The following TMEM132D variants were observed in gnomAD, a reference collection of about 807,000 sequenced individuals.
TMEM132D encodes transmembrane protein 132D, also known as mature OL transmembrane protein.
A neutral mutation model predicts 62.3 loss-of-function variants in TMEM132D; 21 were observed. The ratio of observed to expected loss-of-function variants is 0.34; its 90% CI spans 0.24 to 0.49. The LOEUF (loss-of-function observed/expected upper bound fraction) is 0.49, where lower values mean the gene tolerates loss of function less well. Among genes scored for constraint, TMEM132D ranks in the 20% least tolerant of loss-of-function variants. The pLI is 0.99. For synonymous variants in TMEM132D, 621 were observed against 575.6 expected (o/e 1.08, Z -1.13); for missense variants, 1,346 against 1,402.8 (o/e 0.96, Z 0.65).
chr12:129,763,835 AAGTC>A (rs1316925587), intron 1 of TMEM132D, among the ~76,000 whole-genome samples: 1 of 152,126 alleles, frequency 6.6e-6, no homozygotes, highest in Non-Finnish European at 1.5e-5. Flanking sequence ...ATGAATGAAA[AAGTC>A]AGCCGCAGGT....
intron 2 of TMEM132D, among the ~76,000 whole-genome samples, chr12:129,551,201 T>C (rs148658962): frequency 3.0e-4 from 46 of 152,356 alleles, no homozygotes; most frequent in Middle Eastern, 3.4e-3. Flanking sequence ...TAGAGGCATC[T>C]ACTAACTTTT....
intron 4 of TMEM132D, among the ~76,000 whole-genome samples, chr12:129,295,740 C>T (rs1161078146): frequency 6.6e-6 from 1 of 152,116 alleles, no homozygotes; most frequent in African/African-American, 2.4e-5. Flanking sequence ...AGTTCTTATA[C>T]AAAAGTCTTA....
At chr12:129,195,093 C>A (rs1195279814) in intron 5 of TMEM132D, among the ~76,000 whole-genome samples, 2 of 152,134 alleles carry the variant, frequency 1.3e-5, no homozygotes, top group African/African-American at 4.8e-5. Flanking sequence ...GTGATAAGTT[C>A]TATGAAAAAA....
intron 1 of TMEM132D, among the ~76,000 whole-genome samples, chr12:129,877,718 C>T (rs2137383050): frequency 6.6e-6 from 1 of 152,094 alleles, no homozygotes; most frequent in African/African-American, 2.4e-5. Context: ...ATGACAACTC[C>T]TTTTGGAAAG....
intron 3 of TMEM132D, among the ~76,000 whole-genome samples, chr12:129,388,638 T>C (rs866860008): frequency 2.4e-4 from 27 of 114,882 alleles, no homozygotes; most frequent in African/African-American, 4.2e-4. Context: ...ATATTAACAC[T>C]AACACTCATC....
At chr12:129,455,778 G>A (rs1593016785) in intron 3 of TMEM132D, among the ~76,000 whole-genome samples, 1 of 152,232 alleles carries the variant, frequency 6.6e-6, no homozygotes, top group Non-Finnish European at 1.5e-5. Flanking sequence ...TGGAGATGCT[G>A]CTTGTAAAAT....
At chr12:129,890,535 G>C (rs1275652335) in intron 1 of TMEM132D, among the ~76,000 whole-genome samples, 1 of 152,178 alleles carries the variant, frequency 6.6e-6, no homozygotes. Flanking sequence ...CTACCACAGT[G>C]GGATCTGTTG....
intron 1 of TMEM132D, among the ~76,000 whole-genome samples, chr12:129,719,840 G>A (rs1868755589): frequency 6.6e-6 from 1 of 152,204 alleles, no homozygotes; most frequent in Non-Finnish European, 1.5e-5. Context: ...CTGGTTCTAA[G>A]CTTAGGAGAG....
intron 4 of TMEM132D, among the ~76,000 whole-genome samples, chr12:129,335,717 T>C (rs79562556): frequency 0.011 from 1,607 of 143,338 alleles, 31 homozygotes; most frequent in African/African-American, 0.038. Flanking sequence ...TTCATTGCCT[T>C]AGAATACCTT....
Position 129,141,541 on chromosome 12 carries a change from G to A in TMEM132D, c.1444-56839C>T, listed in dbSNP as rs147325771. ...TGGTCCAGGAAGGTTCCTTGGGGGA[G>A]TGCCAGTAGGAACGAAACGTCAGAG... On this transcript the variant is annotated intron_variant, in intron 5 of 8. Transcript: ENST00000422113. Among the ~76,000 whole-genome samples the A allele has an allele frequency of 2.4e-4, 37 of 152,310 alleles. No individual in the cohort carries two copies. The East Asian group carries it at 6.8e-3, about 28-fold the overall frequency.
At chr12:129,523,332 G>A (rs1161151248) in intron 3 of TMEM132D, among the ~76,000 whole-genome samples, 5 of 152,100 alleles carry the variant, frequency 3.3e-5, no homozygotes, top group African/African-American at 9.7e-5. Context: ...ATCACAAACC[G>A]ACAGCAACCA....
chr12:129,656,932 C>G (rs1012113946), intron 2 of TMEM132D, among the ~76,000 whole-genome samples: 1 of 152,190 alleles, frequency 6.6e-6, no homozygotes, highest in Non-Finnish European at 1.5e-5. Flanking sequence ...CCACAATACA[C>G]TATTTCTTTG....
intron 5 of TMEM132D, among the ~76,000 whole-genome samples, chr12:129,158,242 T>G (rs1877300850): frequency 6.6e-6 from 1 of 152,166 alleles, no homozygotes; most frequent in African/African-American, 2.4e-5. Context: ...CACATGTACA[T>G]TAGACCTAAT....
intron 2 of TMEM132D, among the ~76,000 whole-genome samples, chr12:129,575,138 A>G (rs1261002539): frequency 6.6e-6 from 1 of 151,506 alleles, no homozygotes; most frequent in Non-Finnish European, 1.5e-5. Flanking sequence ...AATCCCCTAG[A>G]CCCTTTCTTA....
intron 2 of TMEM132D, among the ~76,000 whole-genome samples, chr12:129,561,528 G>A (rs553111129): frequency 1.3e-5 from 2 of 152,282 alleles, no homozygotes; most frequent in East Asian, 1.9e-4. Flanking sequence ...GGGACTCCCC[G>A]AGATAGTGCT....
chr12:129,861,710 C>T (rs930667031), intron 1 of TMEM132D, among the ~76,000 whole-genome samples: 1 of 147,666 alleles, frequency 6.8e-6, no homozygotes, highest in Admixed American at 6.9e-5. Context: ...GCCAAGATTG[C>T]ACCACTGCAC....
chr12:129,540,203 A>G (rs1010121236), intron 2 of TMEM132D, among the ~76,000 whole-genome samples: 1 of 152,096 alleles, frequency 6.6e-6, no homozygotes, highest in Non-Finnish European at 1.5e-5. Flanking sequence ...ATGCATGAGA[A>G]GGGTCCCCGA....
At chr12:129,187,050 C>T (rs951508012) in intron 5 of TMEM132D, among the ~76,000 whole-genome samples, 2 of 152,220 alleles carry the variant, frequency 1.3e-5, no homozygotes, top group Non-Finnish European at 2.9e-5. Flanking sequence ...ATCCCCTCCA[C>T]CCAAGAGTAT....
chr12:129,175,604 A>G (rs1021847600), intron 5 of TMEM132D, among the ~76,000 whole-genome samples: 1 of 152,192 alleles, frequency 6.6e-6, no homozygotes, highest in Non-Finnish European at 1.5e-5. Context: ...GCTACTTGGG[A>G]GGCTGACGCA....
Sources: allele counts gnomAD v4.1 joint callset (sites outside exome capture counted in the v4.1 genomes callset), GRCh38; gene constraint gnomAD v4.1.1; transcripts MANE v1.5; gene names NCBI Gene and HGNC (gene_info 2026-07-23, HGNC 2026-07-21).